Variants in LAMP1 observed in about 807,000 individuals in gnomAD.
LAMP1 encodes lysosome-associated membrane glycoprotein 1.
In LAMP1, 7 loss-of-function variants were observed where a neutral mutation model predicts 37.5. That is an observed-to-expected ratio of 0.19 (90% CI 0.11 to 0.35). The LOEUF (loss-of-function observed/expected upper bound fraction) is 0.35, where lower values mean the gene tolerates loss of function less well. LAMP1 is among the 10% of genes least tolerant of loss of function. The probability of loss-of-function intolerance (pLI) is 1.00; values close to 1 mark genes in which losing one functional copy is unlikely to be tolerated. For synonymous variants in LAMP1, 236 were observed against 229.1 expected (o/e 1.03, Z -0.27); for missense variants, 537 against 552.8 (o/e 0.97, Z 0.29).
chr13:113,320,728 C>T lies in LAMP1; in HGVS notation c.876+258C>T, dbSNP rs73582832. 3,299 of 475,786 alleles carry T rather than the reference C, an allele frequency of 6.9e-3. 98 individuals are homozygous for T. The highest frequency in any genetic ancestry group is 0.056 in the African/African-American group (2,936 of 52,038). 29.5% of individuals were successfully genotyped at this position (475,786 alleles called of 1,614,324 possible). A position where few individuals can be genotyped will look rare whatever the true frequency, so the allele number is the denominator to read the frequency against. On this transcript the variant is annotated intron_variant, in intron 6 of 8. Coordinates refer to ENST00000332556, the MANE Select transcript of LAMP1 (RefSeq NM_005561.4). The surrounding 1 kb of genome is among the most constrained non-coding windows in gnomAD (Gnocchi z 4.4). ...TGCAGGGGAGGGCATGCAGGCCGTG[C>T]GGCCTTCTGGCTTCAGATGCTGCTG... is the stretch of plus-strand genomic sequence containing the variant.
At chr13:113,301,858 CTTTTTTTT>C (rs539321614) in intron 1 of LAMP1, among the ~76,000 whole-genome samples, 3 of 74,332 alleles carry the variant, frequency 4.0e-5, no homozygotes, top group Middle Eastern at 8.9e-3. Flanking sequence ...GATGTGATTT[CTTTTTTTT>C]TTTTTTTTTT....
At chr13:113,304,772 T>C (rs1462286446) in intron 1 of LAMP1, among the ~76,000 whole-genome samples, 1 of 152,104 alleles carries the variant, frequency 6.6e-6, no homozygotes, top group Non-Finnish European at 1.5e-5. Flanking sequence ...TTCTCCTGCC[T>C]CAGCCTCCCT....
At chr13:113,310,567 G>T in intron 3 of LAMP1, 142 bp from the exon 4 acceptor site, 1 of 762,602 alleles carries the variant, frequency 1.3e-6, no homozygotes. Flanking sequence ...AGTACTATAA[G>T]TAGTTTGCAA....
intron 2 of LAMP1, among the ~76,000 whole-genome samples, chr13:113,307,845 G>T (rs949733310): frequency 1.4e-5 from 2 of 147,786 alleles, no homozygotes; most frequent in African/African-American, 5.0e-5. Context: ...TGTGGTCCCA[G>T]CTACTTGGGA....
chr13:113,298,868 A>G, intron 1 of LAMP1, among the ~76,000 whole-genome samples: 1 of 152,234 alleles, frequency 6.6e-6, no homozygotes, highest in East Asian at 1.9e-4. Context: ...TCAGGCCGGG[A>G]GCAGTGGCTC....
chr13:113,299,545 G>A (rs1436537166), intron 1 of LAMP1, among the ~76,000 whole-genome samples: 1 of 150,602 alleles, frequency 6.6e-6, no homozygotes, highest in Non-Finnish European at 1.5e-5. Flanking sequence ...GTACGGGTTT[G>A]AGCCACCGTA....
chr13:113,300,374 T>A (rs1431769798), intron 1 of LAMP1, among the ~76,000 whole-genome samples: 2 of 150,382 alleles, frequency 1.3e-5, no homozygotes, highest in African/African-American at 4.9e-5. Context: ...TAATTCCAGC[T>A]ACGTGGGAGG....
At chr13:113,314,246 C>A (rs551540661) in intron 4 of LAMP1, among the ~76,000 whole-genome samples, 1 of 127,502 alleles carries the variant, frequency 7.8e-6, no homozygotes, top group African/African-American at 3.5e-5. Context: ...GCGGAGATGT[C>A]GGTGTGCCTG....
rs1031638736 is a variant in LAMP1 at position 113,321,028 on chromosome 13, C to T, written c.877-376C>T. 3 of 284,346 alleles carry T rather than the reference C, an allele frequency of 1.1e-5. No homozygotes were observed. The highest frequency in any genetic ancestry group is 7.4e-5 in the South Asian group (2 of 27,134). 17.6% of individuals were successfully genotyped at this position (284,346 alleles called of 1,614,324 possible). Reference sequence around the variant, plus strand: ...GGCTCCATTTCTGCAAATAATAAAACGAGTTAGCTGGGCGTAGTGGCGCAC... The same window carrying T: ...GGCTCCATTTCTGCAAATAATAAAATGAGTTAGCTGGGCGTAGTGGCGCAC... On this transcript the variant is annotated intron_variant, in intron 6 of 8. Transcript: ENST00000332556. The surrounding 1 kb of genome is among the most constrained non-coding windows in gnomAD (Gnocchi z 5.6).
chr13:113,321,315 G>A lies in LAMP1; in HGVS notation c.877-89G>A, dbSNP rs146452427. On this transcript the variant is annotated intron_variant, in intron 6 of 8. Transcript: ENST00000332556. This position sits in a 1 kb window ranked among gnomAD's most constrained non-coding sequence, Gnocchi z 5.6. The stretch of plus-strand genomic sequence containing the variant: ...GGTTTATTACCCAATGACCATTCAC[G>A]TTTGATGATAAATGTGTGAATCTAC... 154 of 1,064,948 alleles carry A rather than the reference G, an allele frequency of 1.4e-4. 3 individuals carry two copies. In the East Asian group the frequency reaches 3.0e-3, roughly 21 times the overall value. 66.0% of individuals were successfully genotyped at this position (1,064,948 alleles called of 1,614,324 possible).
In LAMP1 at chr13:113,309,767, A is replaced by G. The variant is rs2042619552; in HGVS notation, c.308A>G (p.Asn103Ser). Residue 103 changes from asparagine (N) to serine (S), a missense_variant, in exon 3 of 9, where the codon AAT becomes AGT. Physicochemically the swap from Asn to Ser is conservative, Grantham distance 46 (BLOSUM62 1). Coordinates refer to ENST00000332556, the MANE Select transcript of LAMP1 (RefSeq NM_005561.4). Reference protein sequence around the residue: ...AFGRGHTLTLNFTRNATRYSV... With the variant: ...AFGRGHTLTLSFTRNATRYSV... ...GGAAGAGGACATACACTCACTCTCA[A>G]TTTCACGAGAAATGCAACACGTTAC... 12 of 1,614,148 alleles carry G rather than the reference A, an allele frequency of 7.4e-6. No homozygotes were observed. The highest frequency in any genetic ancestry group is 2.2e-5 in the East Asian group (1 of 44,870).
At chr13:113,313,304 C>T (rs1004262676) in intron 4 of LAMP1, among the ~76,000 whole-genome samples, 3 of 152,350 alleles carry the variant, frequency 2.0e-5, no homozygotes, top group Admixed American at 6.5e-5. Flanking sequence ...AAACCTGTTT[C>T]TTCAGGTTAA....
intron 2 of LAMP1, among the ~76,000 whole-genome samples, chr13:113,308,354 C>T (rs2042611407): frequency 2.0e-5 from 1 of 50,168 alleles, no homozygotes. Context: ...TTTTTTGAGG[C>T]AGAGTTTTGC....
intron 4 of LAMP1, among the ~76,000 whole-genome samples, chr13:113,315,312 G>A (rs1393429489): frequency 2.6e-5 from 4 of 151,952 alleles, no homozygotes; most frequent in African/African-American, 9.7e-5. Context: ...GGTGTGCCTG[G>A]GGCGCGGCGT....
chr13:113,299,097 GC>G (rs1166149683), intron 1 of LAMP1, among the ~76,000 whole-genome samples: 1 of 151,962 alleles, frequency 6.6e-6, no homozygotes, highest in African/African-American at 2.4e-5. Flanking sequence ...CTGAGATCAA[GC>G]CACTGCACTC....
In LAMP1 at chr13:113,310,832, A is replaced by C. The variant is rs372906564; in HGVS notation, c.527A>C (p.Gln176Pro). The C allele has an allele frequency of 1.6e-5, 26 of 1,613,770 alleles. No individual in the cohort carries two copies. The highest frequency in any genetic ancestry group is 2.2e-5 in the Non-Finnish European group (26 of 1,179,962). Residue 176 changes from glutamine to proline, a missense_variant, in exon 4 of 9, where the codon CAG becomes CCG. Transcript: ENST00000332556. ...VTVTLHDATI[Q>P]AYLSNSSFSR... ...GTAACGCTCCATGATGCCACCATCC[A>C]GGCGTACCTTTCCAACAGCAGCTTC... is the stretch of plus-strand genomic sequence containing the variant.
chr13:113,309,255 C>T (rs1480505979), intron 2 of LAMP1, among the ~76,000 whole-genome samples: 1 of 151,978 alleles, frequency 6.6e-6, no homozygotes, highest in Non-Finnish European at 1.5e-5. Context: ...CAGACACCAC[C>T]ATGTCTGATT....
chr13:113,311,116 ATGT>A (rs1157380781), intron 4 of LAMP1, among the ~76,000 whole-genome samples: 4 of 151,742 alleles, frequency 2.6e-5, no homozygotes, highest in Admixed American at 2.6e-4. Context: ...ACAGAGACAG[ATGT>A]TGTGTGGTCT....
At chr13:113,314,295 G>C (rs1468671817) in intron 4 of LAMP1, among the ~76,000 whole-genome samples, 12 of 94,782 alleles carry the variant, frequency 1.3e-4, no homozygotes, top group South Asian at 3.7e-4. Context: ...TGGAGATGTC[G>C]GTGTGCCTGG....
Sources: gnomAD v4.1 joint callset for allele counts (sites outside exome capture counted in the v4.1 genomes callset) on GRCh38, gnomAD v4.1.1 for gene constraint, Gnocchi (gnomAD v3.1) non-coding constraint, MANE v1.5 for transcripts, NCBI Gene and HGNC (gene_info 2026-07-23, HGNC 2026-07-21) for gene names.